The following EMC2 variants were observed in gnomAD, a reference collection of about 807,000 sequenced individuals.
EMC2 encodes TPR repeat protein 35.
EMC2 carries 37 observed loss-of-function variants against 51.6 expected under a neutral mutation model. The ratio of observed to expected loss-of-function variants is 0.72; its 90% confidence interval spans 0.55 to 0.94. The LOEUF is 0.94. Ranked by LOEUF, EMC2 falls within the 40% of genes least tolerant of loss-of-function variation. The probability of loss-of-function intolerance (pLI) is 0.00; values close to 1 mark genes in which losing one functional copy is unlikely to be tolerated. For synonymous variants in EMC2, 131 were observed against 112.4 expected (o/e 1.17, Z -1.04); for missense variants, 359 against 350.9 (o/e 1.02, Z -0.18).
intron 5 of EMC2, among the ~76,000 whole-genome samples, chr8:108,462,111 A>G (rs1467525467): frequency 6.6e-6 from 1 of 152,100 alleles, no homozygotes; most frequent in Admixed American, 6.6e-5. Context: ...CCGGCCAGGC[A>G]AGCACTGTTA....
intron 4 of EMC2, 122 bp downstream of exon 4, chr8:108,453,269 A>C: frequency 2.2e-6 from 1 of 460,522 alleles, no homozygotes; most frequent in Non-Finnish European, 4.0e-6. Flanking sequence ...GCTTTAATTT[A>C]CATTTTTTGA....
At position 108,486,953 on chromosome 8, in the gene EMC2, A is replaced by G. The variant is rs35203728; in HGVS notation, c.*355A>G. On this transcript the variant is annotated 3_prime_UTR_variant, in exon 11 of 11. Transcript: ENST00000220853. ...TCTAACTTCATTTTGTTATACTCAC[A>G]GTGGATATATTGTTTAAGAACTCAG... 37,003 of 161,024 alleles carry G rather than the reference A, an allele frequency of 0.23. 5,209 individuals carry two copies. The highest frequency in any genetic ancestry group is 0.41 in the East Asian group (2,321 of 5,656). 10.0% of individuals were successfully genotyped at this position (161,024 alleles called of 1,614,324 possible). A position where few individuals can be genotyped will look rare whatever the true frequency, so the allele number is the denominator to read the frequency against.
intron 10 of EMC2, 51 bp downstream of exon 10, chr8:108,479,161 A>T: frequency 1.8e-6 from 2 of 1,112,110 alleles, no homozygotes; most frequent in Non-Finnish European, 1.3e-6. Context: ...TGTATTTCTT[A>T]GTTTTGTTAC....
chr8:108,451,812 T>C (rs1213026583), intron 3 of EMC2, among the ~76,000 whole-genome samples: 1 of 152,218 alleles, frequency 6.6e-6, no homozygotes, highest in African/African-American at 2.4e-5. Flanking sequence ...AACTTTATAA[T>C]GGTTAAGATT....
In EMC2 at chr8:108,479,126, TC is replaced by T; in HGVS notation, c.807+17del. 1 of 1,419,564 alleles carries T rather than the reference TC, an allele frequency of 7.0e-7. No homozygotes were observed. The highest frequency in any genetic ancestry group is 9.6e-7 in the Non-Finnish European group (1 of 1,042,282). The allele number at this position is 1,419,564 out of a possible 1,614,324, so 87.9% of individuals were successfully genotyped here. ...AGCTTATCAGGTTAGTATTTATTGA[TC>T]ATTTTGCTATGTAGGTCAGTTAATG... is the stretch of plus-strand genomic sequence containing the variant. On this transcript the variant is annotated intron_variant, in intron 10 of 10. Coordinates refer to ENST00000220853, the MANE Select transcript of EMC2 (RefSeq NM_014673.5).
chr8:108,455,596 T>C (rs555455348), intron 4 of EMC2, among the ~76,000 whole-genome samples: 1 of 152,308 alleles, frequency 6.6e-6, no homozygotes, highest in Non-Finnish European at 1.5e-5. Context: ...GTTTTTACTT[T>C]TGTACTTTGG....
intron 1 of EMC2, among the ~76,000 whole-genome samples, chr8:108,448,867 A>C (rs1818943954): frequency 6.6e-6 from 1 of 151,890 alleles, no homozygotes; most frequent in South Asian, 2.1e-4. Context: ...TTTGCACCAG[A>C]ATGATTTTCC....
intron 5 of EMC2, 151 bp downstream of exon 5, chr8:108,456,081 A>T (rs1376117870): frequency 4.2e-6 from 1 of 236,842 alleles, no homozygotes; most frequent in Non-Finnish European, 8.2e-6. Context: ...ATAGTTCATG[A>T]TGGGCCACAG....
chr8:108,450,567 T>G (rs1470406071), intron 3 of EMC2, 75 bp downstream of exon 3: 4 of 867,206 alleles, frequency 4.6e-6, no homozygotes, highest in Non-Finnish European at 8.0e-6. Context: ...AATGTATGGC[T>G]TATATGGAAT....
At chr8:108,458,452 C>T (rs983614663) in intron 5 of EMC2, among the ~76,000 whole-genome samples, 1 of 152,198 alleles carries the variant, frequency 6.6e-6, no homozygotes, top group Non-Finnish European at 1.5e-5. Flanking sequence ...GGACATGTAG[C>T]CATTTCCATA....
intron 2 of EMC2, 126 bp from the exon 3 acceptor site, chr8:108,450,302 A>G: frequency 1.5e-6 from 1 of 664,140 alleles, no homozygotes. Flanking sequence ...CAGAGATAAT[A>G]CAATAAATCA....
At position 108,486,709 on chromosome 8, in the gene EMC2, G is replaced by C; in HGVS notation, c.*111G>C. The C allele has an allele frequency of 9.1e-7, 1 of 1,102,966 alleles. No homozygotes were observed. The highest frequency in any genetic ancestry group is 1.2e-6 in the Non-Finnish European group (1 of 813,234). 68.3% of individuals were successfully genotyped at this position (1,102,966 alleles called of 1,614,324 possible). A position where few individuals can be genotyped will look rare whatever the true frequency, so the allele number is the denominator to read the frequency against. ...TATTTATATACTACAGTAATTTTCT[G>C]TTAAGAAGGCAGTTGTAAAGAATGT... On this transcript the variant is annotated 3_prime_UTR_variant, in exon 11 of 11. Coordinates refer to ENST00000220853, the MANE Select transcript of EMC2 (RefSeq NM_014673.5).
At position 108,486,676 on chromosome 8, in the gene EMC2, C is replaced by G. The variant is rs905934288; in HGVS notation, c.*78C>G. The stretch of plus-strand genomic sequence containing the variant: ...TGGCCTGTAACTTATTTACTAAATG[C>G]TCAGTGCTATTTATATACTACAGTA... On this transcript the variant is annotated 3_prime_UTR_variant, in exon 11 of 11. Coordinates refer to ENST00000220853, the MANE Select transcript of EMC2 (RefSeq NM_014673.5). 2.9e-6 allele frequency: 4 copies of G among 1,397,006 alleles called. No homozygotes were observed. Among genetic ancestry groups the G allele is most frequent in the Admixed American group, 4.6e-5 (2 of 43,100 alleles). The allele number at this position is 1,397,006 out of a possible 1,614,324, so 86.5% of individuals were successfully genotyped here.
chr8:108,458,170 G>A (rs184442619), intron 5 of EMC2, among the ~76,000 whole-genome samples: 1 of 152,354 alleles, frequency 6.6e-6, no homozygotes, highest in Non-Finnish European at 1.5e-5. Flanking sequence ...ATGGTCTTGG[G>A]CAGCTCCGCC....
intron 1 of EMC2, among the ~76,000 whole-genome samples, chr8:108,446,926 T>A (rs1818890447): frequency 1.3e-5 from 2 of 152,160 alleles, no homozygotes; most frequent in African/African-American, 4.8e-5. Context: ...TAAGTTATAT[T>A]TTCATACACA....
intron 10 of EMC2, among the ~76,000 whole-genome samples, chr8:108,482,567 A>T (rs1398199568): frequency 6.6e-6 from 1 of 150,434 alleles, no homozygotes; most frequent in Non-Finnish European, 1.5e-5. Flanking sequence ...TTTGGAATTG[A>T]TTTATTTTTA....
chr8:108,445,675 A>G (rs1348101618), intron 1 of EMC2, among the ~76,000 whole-genome samples: 1 of 152,104 alleles, frequency 6.6e-6, no homozygotes, highest in African/African-American at 2.4e-5. Flanking sequence ...CTATTCTAAT[A>G]CTATTGAAGC....
intron 5 of EMC2, among the ~76,000 whole-genome samples, chr8:108,459,545 A>G (rs12335102): frequency 0.68 from 103,935 of 151,920 alleles, 36,121 homozygotes; most frequent in African/African-American, 0.81. Context: ...TTTTAAAACT[A>G]TCAGATCTTG....
chr8:108,480,478 G>T (rs552914151), intron 10 of EMC2, among the ~76,000 whole-genome samples: 51 of 152,090 alleles, frequency 3.4e-4, no homozygotes, highest in Non-Finnish European at 6.8e-4. Context: ...TTAGAACTGA[G>T]TATGAATGGC....
Sources: gnomAD v4.1 joint callset for allele counts (sites outside exome capture counted in the v4.1 genomes callset) on GRCh38, gnomAD v4.1.1 for gene constraint, MANE v1.5 for transcripts, NCBI Gene and HGNC (gene_info 2026-07-23, HGNC 2026-07-21) for gene names.